SLC38A8: variants seen among roughly 807,000 people sequenced by gnomAD.
SLC38A8 encodes the protein solute carrier family 38 member 8, also known as amino acid transporter SLC38A8.
In SLC38A8, 65 loss-of-function variants were observed where a neutral mutation model predicts 46.0. That is an observed-to-expected ratio of 1.41 (90% CI 1.16 to 1.74). The LOEUF (loss-of-function observed/expected upper bound fraction) is 1.74, where lower values mean the gene tolerates loss of function less well. SLC38A8 is among the 40% of genes most tolerant of loss of function. The pLI is 0.00. For synonymous variants in SLC38A8, 447 were observed against 243.7 expected, an observed-to-expected ratio of 1.83 and a Z score of -7.77; for missense variants, 998 against 567.9, an observed-to-expected ratio of 1.76 and a Z score of -7.70.
At chr16:84,019,648 C>G (rs1189348833) in intron 7 of SLC38A8, among the ~76,000 whole-genome samples, 2 of 152,280 alleles carry the variant, frequency 1.3e-5, no homozygotes, top group East Asian at 1.9e-4. Flanking sequence ...TTATTCCAAC[C>G]CCATGACCCC....
intron 4 of SLC38A8, among the ~76,000 whole-genome samples, chr16:84,032,312 C>G (rs969619248): frequency 6.6e-5 from 10 of 152,176 alleles, no homozygotes; most frequent in Admixed American, 5.2e-4. Flanking sequence ...CCTCAGCCTC[C>G]CGAATAGCTG....
At chr16:84,029,072 C>T (rs2085204329) in intron 6 of SLC38A8, among the ~76,000 whole-genome samples, 1 of 152,054 alleles carries the variant, frequency 6.6e-6, no homozygotes, top group South Asian at 2.1e-4. Flanking sequence ...TCTTTCCTGC[C>T]CAAGGCCCTG....
chr16:84,034,296 G>A (rs1272196537), intron 3 of SLC38A8, among the ~76,000 whole-genome samples: 3 of 152,224 alleles, frequency 2.0e-5, no homozygotes, highest in African/African-American at 7.2e-5. Flanking sequence ...AAGCCATCCA[G>A]GCACACCTAA....
chr16:84,036,452 T>A (rs2085300032), intron 3 of SLC38A8, among the ~76,000 whole-genome samples: 3 of 152,240 alleles, frequency 2.0e-5, no homozygotes, highest in Admixed American at 2.0e-4. Context: ...AAACGACTTA[T>A]CTCCACTGGA....
At chr16:84,033,635 C>T (rs1446324821) in intron 3 of SLC38A8, among the ~76,000 whole-genome samples, 166 bp from the exon 4 acceptor site, 1 of 152,076 alleles carries the variant, frequency 6.6e-6, no homozygotes, top group Non-Finnish European at 1.5e-5. Flanking sequence ...ACGTGCCCCA[C>T]GCAGGAACAA....
rs371438480 is a variant in SLC38A8 at position 84,017,175 on chromosome 16, G to C, written c.918C>G (p.Ile306Met). 2 of 1,613,972 alleles carry C rather than the reference G, an allele frequency of 1.2e-6. No individual in the cohort carries two copies. Among genetic ancestry groups the C allele is most frequent in the South Asian group, 1.1e-5 (1 of 91,076 alleles). ...IVARVLFAVSIVTVYPIVLFL... is the reference protein window; with the variant it reads ...IVARVLFAVSMVTVYPIVLFL... ...AGAGCACGATGGGGTAGACAGTTAC[G>C]ATGGAGACAGCAAAAAGGACCCGGG... The change falls in exon 8 of 11, where the codon ATC becomes ATG. Residue 306 changes from isoleucine to methionine, a missense_variant. By Grantham distance (10) the Ile-to-Met change is conservative. Transcript: ENST00000299709.
chr16:84,025,332 C>G (rs2085149271), intron 6 of SLC38A8, among the ~76,000 whole-genome samples: 2 of 152,198 alleles, frequency 1.3e-5, no homozygotes, highest in African/African-American at 4.8e-5. Flanking sequence ...GGTCTTCCCT[C>G]CGCGCCTCAG....
intron 6 of SLC38A8, among the ~76,000 whole-genome samples, chr16:84,025,521 C>T (rs1345566212): frequency 4.6e-5 from 7 of 152,152 alleles, no homozygotes; most frequent in South Asian, 2.1e-4. Flanking sequence ...ACGACAACAA[C>T]GACCAAGTCT....
rs756401107 is a variant in SLC38A8 at position 84,042,123 on chromosome 16, G to A, written c.35C>T (p.Pro12Leu). ...AGCCGTGGCAGGGTGAGGCTTTTCT[G>A]GAAGGCCCCTGCTTCCTGGGGTCTG... ...EGQTPGSRGL[P>L]EKPHPATAAA... The change falls in exon 2 of 11, where the codon CCA (proline) becomes CTA (leucine). Residue 12 changes from proline (P) to leucine (L), a missense_variant. Pro to Leu is a moderately conservative substitution (Grantham distance 98, BLOSUM62 -3). Coordinates refer to ENST00000299709, the MANE Select transcript of SLC38A8 (RefSeq NM_001080442.3). 1.9e-6 allele frequency: 3 copies of A among 1,613,564 alleles called. No homozygotes were observed. Among genetic ancestry groups the A allele is most frequent in the African/African-American group, 2.7e-5 (2 of 74,906 alleles).
intron 6 of SLC38A8, among the ~76,000 whole-genome samples, chr16:84,025,182 G>A (rs2085147324): frequency 1.3e-5 from 2 of 152,144 alleles, no homozygotes; most frequent in African/African-American, 2.4e-5. Context: ...CACACTGGTG[G>A]GTTCAGGGTT....
intron 4 of SLC38A8, 76 bp downstream of exon 4, chr16:84,033,252 C>T (rs1442539630): frequency 1.1e-5 from 18 of 1,600,048 alleles, no homozygotes; most frequent in Middle Eastern, 1.7e-4. Context: ...GCTCCTCTGA[C>T]CCCAGATGGA....
chr16:84,036,949 C>G (rs1438180306), intron 2 of SLC38A8, 49 bp from the exon 3 acceptor site: 2 of 1,517,878 alleles, frequency 1.3e-6, no homozygotes, highest in Non-Finnish European at 1.8e-6. Flanking sequence ...CACAGCCCAC[C>G]CACCCCCAGC....
chr16:84,036,816 C>CCA lies in SLC38A8; in HGVS notation c.272_273dup (p.Val92TrpfsTer24). The CCA allele has an allele frequency of 6.2e-7, 1 of 1,614,090 alleles. No individual in the cohort carries two copies. The highest frequency in any genetic ancestry group is 8.5e-7 in the Non-Finnish European group (1 of 1,180,016). On this transcript the variant is annotated frameshift_variant, in exon 3 of 11. Coordinates refer to ENST00000299709, the MANE Select transcript of SLC38A8 (RefSeq NM_001080442.3). LOFTEE classifies it high-confidence loss of function. ...ATGGCAGGGCCACACAGCCCCCTGA[C>CCA]CACACCCTGGTAGGTGGCCTGGCCA...
chr16:84,040,484 T>C (rs901281449), intron 2 of SLC38A8, among the ~76,000 whole-genome samples: 1 of 152,198 alleles, frequency 6.6e-6, no homozygotes, highest in African/African-American at 2.4e-5. Flanking sequence ...GTGAAATGCC[T>C]GCACGGTGCT....
At chr16:84,015,627 T>G (rs1007455910) in intron 9 of SLC38A8, among the ~76,000 whole-genome samples, 8 of 152,032 alleles carry the variant, frequency 5.3e-5, no homozygotes, top group Non-Finnish European at 8.8e-5. Context: ...ATCATAAACG[T>G]TCCTACGTCA....
At chr16:84,025,153 C>G (rs1018386764) in intron 6 of SLC38A8, among the ~76,000 whole-genome samples, 8 of 100,774 alleles carry the variant, frequency 7.9e-5, no homozygotes, top group African/African-American at 2.5e-4. Flanking sequence ...ACACACCGGG[C>G]GGGGATGCTT....
intron 9 of SLC38A8, among the ~76,000 whole-genome samples, chr16:84,016,228 T>G (rs945768048): frequency 8.5e-5 from 13 of 152,286 alleles, no homozygotes; most frequent in African/African-American, 3.1e-4. Context: ...TTCAACTATC[T>G]CCACCTTGCC....
At position 84,022,869 on chromosome 16, in the gene SLC38A8, G is replaced by A. The variant is rs557586540; in HGVS notation, c.711C>T (p.Ser237=). 221 of 1,606,724 alleles carry A rather than the reference G, an allele frequency of 1.4e-4. No individual in the cohort carries two copies. The highest frequency in any genetic ancestry group is 1.8e-4 in the Non-Finnish European group (207 of 1,177,368). ...FGFQCHEAAV[S]IYCSMRKRSL... ...TCCGTTTGCGCATGCTGCAGTAGAT[G>A]GAGACGGCAGCTTCGTGACACTGTA... The change falls in exon 7 of 11, where the codon TCC becomes TCT. Residue 237 remains serine (S), a synonymous_variant. Coordinates refer to ENST00000299709, the MANE Select transcript of SLC38A8 (RefSeq NM_001080442.3).
intron 5 of SLC38A8, among the ~76,000 whole-genome samples, chr16:84,030,651 C>T (rs1444018912): frequency 1.3e-5 from 2 of 152,320 alleles, no homozygotes; most frequent in East Asian, 3.9e-4. Flanking sequence ...ACTGTTCAAG[C>T]TGAGAGCTCC....
Sources: gnomAD v4.1 joint callset for allele counts (sites outside exome capture counted in the v4.1 genomes callset) on GRCh38, gnomAD v4.1.1 for gene constraint, MANE v1.5 for transcripts, NCBI Gene and HGNC (gene_info 2026-07-23, HGNC 2026-07-21) for gene names.